MROH1: variants seen among roughly 807,000 people sequenced by gnomAD.
MROH1 encodes maestro heat-like repeat-containing protein family member 1.
Under a neutral mutation model 116.5 loss-of-function variants are expected in MROH1, and 117 were observed. That is an observed-to-expected ratio of 1.00 (90% CI 0.86 to 1.17). The LOEUF is 1.17. Among genes scored for constraint, MROH1 ranks in the 50% most tolerant of loss-of-function variants. The pLI is 0.00. For missense variants in MROH1, 1,873 were observed against 1,338.5 expected (o/e 1.40, Z -6.23); for synonymous variants, 921 against 583.9 (o/e 1.58, Z -8.32).
chr8:144,181,556 A>G (rs1825728078), intron 7 of MROH1, among the ~76,000 whole-genome samples: 1 of 151,978 alleles, frequency 6.6e-6, no homozygotes, highest in Non-Finnish European at 1.5e-5. Context: ...TCTTTGGGGC[A>G]CTCCTTCACA....
chr8:144,238,321 C>T (rs1269313963), intron 14 of MROH1, among the ~76,000 whole-genome samples: 3 of 152,100 alleles, frequency 2.0e-5, no homozygotes, highest in Non-Finnish European at 4.4e-5. Flanking sequence ...AAACAGAAGT[C>T]GTCTGCTTAC....
chr8:144,239,648 G>T lies in MROH1; in HGVS notation c.1667G>T (p.Arg556Leu). 1 of 768,748 alleles carries T rather than the reference G, an allele frequency of 1.3e-6. No homozygotes were observed. Among genetic ancestry groups the T allele is most frequent in the South Asian group, 1.4e-5 (1 of 72,416 alleles). The allele number at this position is 768,748 out of a possible 1,614,324, so 47.6% of individuals were successfully genotyped here. A position where few individuals can be genotyped will look rare whatever the true frequency, so the allele number is the denominator to read the frequency against. The change falls in exon 18 of 44, where the codon CGT becomes CTT. Residue 556 changes from arginine to leucine, a missense_variant. Coordinates refer to ENST00000326134, the MANE Select transcript of MROH1 (RefSeq NM_032450.3). ...VSSSPYLGDG[R>L]GAAALRLLSV... Reference sequence around the variant, plus strand: ...TCCAGCCCCTACCTAGGGGACGGACGTGGGGCAGCGGCGCTGCGCCTCCTC... The same window carrying T: ...TCCAGCCCCTACCTAGGGGACGGACTTGGGGCAGCGGCGCTGCGCCTCCTC...
intron 4 of MROH1, among the ~76,000 whole-genome samples, chr8:144,176,266 G>A (rs920316887): frequency 6.6e-6 from 1 of 151,510 alleles, no homozygotes; most frequent in South Asian, 2.1e-4. Flanking sequence ...CCAGGTACTC[G>A]GGAGGCTGAG....
In MROH1 at chr8:144,258,810, C is replaced by A. The variant is rs1488993530; in HGVS notation, c.3825C>A (p.Leu1275=). ...TGGACACCCTGCGGTCCATGCTACTCCGCAGCGGCAGCGAGGATGTGGTAC... is the reference window on the plus strand; with the variant it reads ...TGGACACCCTGCGGTCCATGCTACTACGCAGCGGCAGCGAGGATGTGGTAC... ...SAVDTLRSML[L]RSGSEDVVQR... The change falls in exon 36 of 44, where the codon CTC becomes CTA. Residue 1275 remains leucine (L), a synonymous_variant. Transcript: ENST00000326134. 1.6e-5 allele frequency: 12 copies of A among 769,332 alleles called. No homozygotes were observed. The highest frequency in any genetic ancestry group is 2.9e-5 in the Non-Finnish European group (12 of 414,510). 47.7% of individuals were successfully genotyped at this position (769,332 alleles called of 1,614,324 possible). A position where few individuals can be genotyped will look rare whatever the true frequency, so the allele number is the denominator to read the frequency against.
rs1324392335 is a variant in MROH1 at position 144,163,694 on chromosome 8, A to G, written c.-56-77A>G. The G allele has an allele frequency of 4.8e-6, 4 of 837,864 alleles. No homozygotes were observed. In the African/African-American group the frequency reaches 5.1e-5, roughly 11 times the overall value. The allele number at this position is 837,864 out of a possible 1,614,324, so 51.9% of individuals were successfully genotyped here. On this transcript the variant is annotated intron_variant, in intron 2 of 43. Coordinates refer to ENST00000326134, the MANE Select transcript of MROH1 (RefSeq NM_032450.3). The surrounding 1 kb of genome is among the most constrained non-coding windows in gnomAD (Gnocchi z 4.4). ...AATTCATTTAAATTGTGTATTTTAC[A>G]TGGAAATGGTAATTGCCTGTGAACT...
intron 3 of MROH1, among the ~76,000 whole-genome samples, chr8:144,167,682 G>A (rs1821298929): frequency 6.6e-6 from 1 of 152,206 alleles, no homozygotes; most frequent in Non-Finnish European, 1.5e-5. Context: ...TGCCTGTAGA[G>A]CACTACATTT....
At chr8:144,186,668 G>C (rs534485382) in intron 7 of MROH1, among the ~76,000 whole-genome samples, 4 of 152,232 alleles carry the variant, frequency 2.6e-5, no homozygotes, top group Non-Finnish European at 5.9e-5. Flanking sequence ...TGGCATAGGG[G>C]CTGGCTCTGT....
intron 4 of MROH1, among the ~76,000 whole-genome samples, chr8:144,171,194 G>A (rs1018844455): frequency 6.6e-6 from 1 of 152,202 alleles, no homozygotes. Context: ...GCAAGCCCCA[G>A]GTGTGGCCTG....
At chr8:144,201,205 C>G (rs539585739) in intron 12 of MROH1, 2 of 151,944 alleles carry the variant, frequency 1.3e-5, no homozygotes, top group African/African-American at 4.8e-5. Context: ...TACAGGGGCG[C>G]GCCACCAGGC....
chr8:144,164,604 G>A (rs1820344478), intron 3 of MROH1, among the ~76,000 whole-genome samples: 2 of 151,932 alleles, frequency 1.3e-5, no homozygotes, highest in South Asian at 4.2e-4. Context: ...TGTCATGTTG[G>A]CCAGGCTGCT....
chr8:144,227,170 A>G (rs551287380), intron 14 of MROH1, among the ~76,000 whole-genome samples: 3 of 152,228 alleles, frequency 2.0e-5, no homozygotes, highest in Admixed American at 6.5e-5. Context: ...TACATAGAGC[A>G]TCATGTCTTC....
intron 12 of MROH1, among the ~76,000 whole-genome samples, chr8:144,219,009 GTTT>G (rs1290840365): frequency 7.6e-6 from 1 of 132,404 alleles, no homozygotes; most frequent in Non-Finnish European, 1.6e-5. Context: ...TAATTTTTGT[GTTT>G]TTTTTTGTTG....
intron 14 of MROH1, among the ~76,000 whole-genome samples, chr8:144,236,191 A>G (rs983266977): frequency 5.1e-4 from 77 of 152,300 alleles, no homozygotes; most frequent in African/African-American, 1.7e-3. Context: ...TAGCTCAGGT[A>G]TGGTGGTGTT....
At position 144,239,170 on chromosome 8, in the gene MROH1, G is replaced by A. The variant is rs1410401494; in HGVS notation, c.1582G>A (p.Asp528Asn). Residue 528 changes from aspartate to asparagine, a missense_variant, in exon 16 of 44, where the codon GAC (aspartate) becomes AAC (asparagine). Asp to Asn is a conservative substitution (Grantham distance 23). Coordinates refer to ENST00000326134, the MANE Select transcript of MROH1 (RefSeq NM_032450.3). ...AGADAFLIQY[D>N]AHASLPSPYA... is the part of the protein sequence containing the mutation. ...GGCCGACGCCTTCCTCATCCAGTAC[G>A]ACGCCCATGGTGCGTGCCGCGCCGT... is the stretch of plus-strand genomic sequence containing the variant. 1.7e-5 allele frequency: 13 copies of A among 764,038 alleles called. No individual in the cohort carries two copies. Among genetic ancestry groups the A allele is most frequent in the Middle Eastern group, 3.1e-4 (1 of 3,180 alleles). 47.3% of individuals were successfully genotyped at this position (764,038 alleles called of 1,614,324 possible). A position where few individuals can be genotyped will look rare whatever the true frequency, so the allele number is the denominator to read the frequency against.
intron 14 of MROH1, among the ~76,000 whole-genome samples, chr8:144,224,712 G>T (rs138415620): frequency 6.6e-6 from 1 of 152,204 alleles, no homozygotes; most frequent in East Asian, 1.9e-4. Context: ...AAAAAGCAAA[G>T]CAGGACATGT....
At position 144,261,029 on chromosome 8, in the gene MROH1, C is replaced by G; in HGVS notation, c.4659C>G (p.Thr1553=). 1.4e-6 allele frequency: 1 copy of G among 735,726 alleles called. No individual in the cohort carries two copies. The highest frequency in any genetic ancestry group is 3.5e-4 in the Middle Eastern group (1 of 2,822). 45.6% of individuals were successfully genotyped at this position (735,726 alleles called of 1,614,324 possible). Residue 1553 remains threonine, a synonymous_variant, in exon 41 of 44, where the codon ACC becomes ACG. Coordinates refer to ENST00000326134, the MANE Select transcript of MROH1 (RefSeq NM_032450.3). Reference sequence around the variant, plus strand: ...ACTTCGGGGAGTTCCTCAACACCACCTGCAAGCACCTGGTGAGGGGTGGGG... The same window carrying G: ...ACTTCGGGGAGTTCCTCAACACCACGTGCAAGCACCTGGTGAGGGGTGGGG... ...ALHFGEFLNT[T]CKHLMHHFPD...
At chr8:144,200,799 C>T (rs1564460245) in intron 12 of MROH1, 3 of 463,114 alleles carry the variant, frequency 6.5e-6, no homozygotes, top group Middle Eastern at 6.5e-4. Context: ...GCCACACTCC[C>T]CAGGTGACCA....
chr8:144,248,188 T>C (rs976316525), intron 31 of MROH1, among the ~76,000 whole-genome samples: 1 of 152,178 alleles, frequency 6.6e-6, no homozygotes, highest in African/African-American at 2.4e-5. Flanking sequence ...TACTGCCATC[T>C]GAAGGGAGGA....
rs6981035 is a variant in MROH1 at position 144,180,375 on chromosome 8, G to T, written c.463+35G>T. ...GCGCGGCCTGCCCCAGGAGGAGCAC[G>T]GGGCGCTGGAAGCCTTGGCGGAGGC... On this transcript the variant is annotated intron_variant, in intron 6 of 43. Coordinates refer to ENST00000326134, the MANE Select transcript of MROH1 (RefSeq NM_032450.3). The surrounding 1 kb of genome is among the most constrained non-coding windows in gnomAD (Gnocchi z 7.4). 72,133 of 1,609,084 alleles carry T rather than the reference G, an allele frequency of 0.045. 4,787 individuals are homozygous for T. The highest frequency in any genetic ancestry group is 0.31 in the African/African-American group (23,184 of 74,920).
Sources: allele counts gnomAD v4.1 joint callset (sites outside exome capture counted in the v4.1 genomes callset), GRCh38; gene constraint gnomAD v4.1.1; non-coding constraint Gnocchi (gnomAD v3.1); transcripts MANE v1.5; gene names NCBI Gene and HGNC (gene_info 2026-07-23, HGNC 2026-07-21).